The following TSNARE1 variants were observed in gnomAD, a reference collection of about 807,000 sequenced individuals.
TSNARE1 encodes t-SNARE domain-containing protein 1.
Under a neutral mutation model 62.0 loss-of-function variants are expected in TSNARE1, and 49 were observed. The observed-to-expected ratio is 0.79, with a 90% confidence interval of 0.63 to 1.00. The LOEUF (loss-of-function observed/expected upper bound fraction) is 1.00. TSNARE1 is among the 50% of genes least tolerant of loss of function. The pLI, the probability that TSNARE1 is intolerant of heterozygous loss-of-function variation, is 0.00. For missense variants in TSNARE1, 755 were observed against 700.1 expected (o/e 1.08, Z -0.88); for synonymous variants, 328 against 294.4 (o/e 1.11, Z -1.17).
chr8:142,341,713 C>T (rs1428949583), intron 4 of TSNARE1, among the ~76,000 whole-genome samples: 3 of 152,198 alleles, frequency 2.0e-5, no homozygotes, highest in East Asian at 1.9e-4. Context: ...ACTCACTGCC[C>T]GGCAGGCTGC....
At chr8:142,334,913 T>A (rs1354706804) in intron 4 of TSNARE1, among the ~76,000 whole-genome samples, 2 of 152,178 alleles carry the variant, frequency 1.3e-5, no homozygotes, top group African/African-American at 4.8e-5. Flanking sequence ...TCCAACCAGA[T>A]GTGAAGTACA....
intron 1 of TSNARE1, among the ~76,000 whole-genome samples, chr8:142,364,737 CCTGGCCAAAT>C (rs1835411447): frequency 6.6e-6 from 1 of 152,048 alleles, no homozygotes; most frequent in South Asian, 2.1e-4. Context: ...AAAGGCTGTC[CCTGGCCAAAT>C]CTGGACAATC....
intron 13 of TSNARE1, among the ~76,000 whole-genome samples, chr8:142,220,664 G>A (rs1677467329): frequency 6.6e-6 from 1 of 152,182 alleles, no homozygotes; most frequent in South Asian, 2.1e-4. Context: ...TGAGTGAAAG[G>A]CGCCACTATG....
Position 142,272,908 on chromosome 8 carries a change from G to C in TSNARE1, c.1446+1873C>G, listed in dbSNP as rs949090225. ...CCGTGGGGAAGGCCCCTCGCAGGCAGGTGGGAGCAGGACATTCTATGCAGA... is the reference window on the plus strand; with the variant it reads ...CCGTGGGGAAGGCCCCTCGCAGGCACGTGGGAGCAGGACATTCTATGCAGA... On this transcript the variant is annotated intron_variant, in intron 12 of 13. Transcript: ENST00000524325. The C allele has an allele frequency of 7.1e-6, 7 of 984,426 alleles. No individual in the cohort carries two copies. In the African/African-American group the frequency reaches 1.2e-4, roughly 17 times the overall value. The allele number at this position is 984,426 out of a possible 1,614,324, so 61.0% of individuals were successfully genotyped here. A position where few individuals can be genotyped will look rare whatever the true frequency, so the allele number is the denominator to read the frequency against.
chr8:142,275,576 C>G (rs1052858063), intron 11 of TSNARE1: 5 of 985,286 alleles, frequency 5.1e-6, no homozygotes, highest in African/African-American at 1.7e-5. Context: ...ACCTGGGCAC[C>G]AGGAGCGCAG....
chr8:142,271,680 C>T (rs1157395366), intron 12 of TSNARE1: 6 of 1,380,354 alleles, frequency 4.3e-6, no homozygotes, highest in South Asian at 3.4e-5. Context: ...GGGGTCTCGT[C>T]CTCCTCATCA....
intron 11 of TSNARE1, among the ~76,000 whole-genome samples, chr8:142,283,718 T>C (rs1822155978): frequency 6.6e-6 from 1 of 150,548 alleles, no homozygotes. Flanking sequence ...CCAGTGTCTG[T>C]CAATGAGCAG....
In TSNARE1 at chr8:142,274,801, C is replaced by T. The variant is rs894060405; in HGVS notation, c.1426G>A (p.Ala476Thr). 2 of 1,578,220 alleles carry T rather than the reference C, an allele frequency of 1.3e-6. No homozygotes were observed. Among genetic ancestry groups the T allele is most frequent in the Non-Finnish European group, 1.7e-6 (2 of 1,162,890 alleles). ...CTTACTTGGTGCCGGCTGGCTCCAGCCAGGAGCTGGCGGGCTGCCTCCGCA... is the reference window on the plus strand; with the variant it reads ...CTTACTTGGTGCCGGCTGGCTCCAGTCAGGAGCTGGCGGGCTGCCTCCGCA... The part of the protein sequence containing the change: ...SHAEAARQLL[A>T]GASRHQLQRH... The change falls in exon 12 of 14, where the codon GCT (alanine) becomes ACT (threonine). Residue 476 changes from alanine (A) to threonine (T), a missense_variant. Transcript: ENST00000524325.
At chr8:142,220,490 G>A (rs1019459202) in intron 13 of TSNARE1, among the ~76,000 whole-genome samples, 2 of 152,064 alleles carry the variant, frequency 1.3e-5, no homozygotes, top group African/African-American at 2.4e-5. Flanking sequence ...AGGAGACCTC[G>A]GGGAGCCTCT....
At chr8:142,297,170 T>A (rs1241126052) in intron 10 of TSNARE1, among the ~76,000 whole-genome samples, 1 of 152,188 alleles carries the variant, frequency 6.6e-6, no homozygotes, top group Non-Finnish European at 1.5e-5. Flanking sequence ...AGCCTGGCCC[T>A]TTGTTTTGTC....
upstream of TSNARE1, chr8:142,406,397 G>A (rs527946633): frequency 6.6e-6 from 1 of 152,368 alleles, no homozygotes; most frequent in African/African-American, 2.4e-5. Flanking sequence ...AACAACGATG[G>A]CTCCTTGCGG....
At chr8:142,214,727 G>A (rs376295156) in intron 13 of TSNARE1, among the ~76,000 whole-genome samples, 4 of 152,276 alleles carry the variant, frequency 2.6e-5, no homozygotes, top group East Asian at 1.9e-4. Context: ...GGGAAGTGCC[G>A]TGGTCCTGAG....
At chr8:142,296,818 C>T (rs150171965) in intron 10 of TSNARE1, among the ~76,000 whole-genome samples, 1,991 of 152,096 alleles carry the variant, frequency 0.013, 40 homozygotes, top group African/African-American at 0.045. Flanking sequence ...CTCCCCAGGA[C>T]GGGGCAGGAC....
At position 142,332,434 on chromosome 8, in the gene TSNARE1, A is replaced by G. The variant is rs117374474; in HGVS notation, c.746-603T>C. On this transcript the variant is annotated intron_variant, in intron 4 of 13. Transcript: ENST00000524325. ...GGAATGGGCATGACTGCTGATGGGTACGGGGGTGCTTTTGGGGGTGATGGA... is the reference window on the plus strand; with the variant it reads ...GGAATGGGCATGACTGCTGATGGGTGCGGGGGTGCTTTTGGGGGTGATGGA... Among the ~76,000 whole-genome samples the G allele has an allele frequency of 3.9e-5, 6 of 152,196 alleles. No homozygotes were observed. The East Asian group carries it at 1.2e-3, about 29-fold the overall frequency.
intron 12 of TSNARE1, chr8:142,273,530 G>A (rs1029660719): frequency 1.6e-4 from 155 of 985,420 alleles, no homozygotes; most frequent in Non-Finnish European, 1.8e-4. Flanking sequence ...ACCTCATCCT[G>A]CAGGTGACCT....
At chr8:142,270,984 T>C in intron 12 of TSNARE1, 2 of 985,494 alleles carry the variant, frequency 2.0e-6, no homozygotes, top group Non-Finnish European at 2.4e-6. Context: ...CCCGGTGCCC[T>C]GGAGACCCAG....
At chr8:142,257,422 T>C (rs996744227) in intron 12 of TSNARE1, among the ~76,000 whole-genome samples, 1 of 152,096 alleles carries the variant, frequency 6.6e-6, no homozygotes, top group Non-Finnish European at 1.5e-5. Flanking sequence ...CTGGACAGGA[T>C]GTCAGGTGCT....
rs188912612 is a variant in TSNARE1 at position 142,230,452 on chromosome 8, C to T, written c.1447-873G>A. ...ACAGGAGTTTAGAGCAGGAGAGTGA[C>T]ATGTTTAGCAGTGTGTTGTTGGAGA... On this transcript the variant is annotated intron_variant, in intron 12 of 13. Transcript: ENST00000524325. Among the ~76,000 whole-genome samples the T allele has an allele frequency of 1.2e-3, 182 of 152,258 alleles. No individual in the cohort carries two copies. In the Middle Eastern group the frequency reaches 0.024, roughly 20 times the overall value.
chr8:142,314,286 G>C, intron 9 of TSNARE1, 98 bp downstream of exon 9: 1 of 1,167,860 alleles, frequency 8.6e-7, no homozygotes, highest in Non-Finnish European at 1.2e-6. Context: ...TGACACCCCT[G>C]CCCTTGGCCC....
Sources: gnomAD v4.1 joint callset for allele counts (sites outside exome capture counted in the v4.1 genomes callset) on GRCh38, gnomAD v4.1.1 for gene constraint, MANE v1.5 for transcripts, NCBI Gene and HGNC (gene_info 2026-07-23, HGNC 2026-07-21) for gene names.